PELI1: variants seen among roughly 807,000 people sequenced by gnomAD.
The protein encoded by PELI1 is pellino E3 ubiquitin protein ligase 1.
In PELI1, 15 loss-of-function variants were observed where a neutral mutation model predicts 41.3. The observed-to-expected ratio is 0.36, with a 90% CI of 0.24 to 0.56. The LOEUF (loss-of-function observed/expected upper bound fraction) is 0.56, where lower values mean the gene tolerates loss of function less well. PELI1 is among the 20% of genes least tolerant of loss of function. PELI1 has a pLI of 0.82. For synonymous variants in PELI1, 178 were observed against 180.1 expected (o/e 0.99, Z 0.09); for missense variants, 403 against 525.5 (o/e 0.77, Z 2.28).
At chr2:64,096,667 A>G in intron 4 of PELI1, 57 bp from the exon 5 acceptor site, 1 of 1,153,924 alleles carries the variant, frequency 8.7e-7, no homozygotes, top group Non-Finnish European at 1.3e-6. Context: ...TGGAAAATCC[A>G]TTCAAGAAGG....
chr2:64,126,769 T>C (rs1276993571), intron 1 of PELI1, among the ~76,000 whole-genome samples: 2 of 151,882 alleles, frequency 1.3e-5, no homozygotes, highest in East Asian at 1.9e-4. Flanking sequence ...AGGTATTCAA[T>C]TTGGACCTTG....
chr2:64,114,442 G>A (rs1429990993), intron 1 of PELI1, among the ~76,000 whole-genome samples: 1 of 152,184 alleles, frequency 6.6e-6, no homozygotes, highest in Non-Finnish European at 1.5e-5. Flanking sequence ...AGTAGTTGGA[G>A]GTTACTACTT....
chr2:64,102,129 T>G (rs934222326), intron 3 of PELI1, among the ~76,000 whole-genome samples: 5 of 152,044 alleles, frequency 3.3e-5, no homozygotes, highest in African/African-American at 9.7e-5. Context: ...CTGGCCTGCG[T>G]CTGATTTTTT....
chr2:64,133,265 C>G (rs1681613494), intron 1 of PELI1, among the ~76,000 whole-genome samples: 1 of 152,150 alleles, frequency 6.6e-6, no homozygotes, highest in Non-Finnish European at 1.5e-5. Flanking sequence ...AACATGCTAT[C>G]CCTGACTACA....
In PELI1 at chr2:64,095,236, G is replaced by A; in HGVS notation, c.723C>T (p.Gly241=). ...TTGCACCACAGAGGTCAATTAACGA[G>A]CCATCTTGTAACTGATTGGTTTCAA... ...VEIETNQLQD[G]SLIDLCGATL... Residue 241 remains glycine, a synonymous_variant, in exon 7 of 7, where the codon GGC becomes GGT. Coordinates refer to ENST00000358912, the MANE Select transcript of PELI1 (RefSeq NM_020651.4). 6.2e-7 allele frequency: 1 copy of A among 1,613,894 alleles called. No individual in the cohort carries two copies. The highest frequency in any genetic ancestry group is 8.5e-7 in the Non-Finnish European group (1 of 1,179,860).
At chr2:64,142,629 C>A (rs72893180) in intron 1 of PELI1, among the ~76,000 whole-genome samples, 3,463 of 152,200 alleles carry the variant, frequency 0.023, 112 homozygotes, top group African/African-American at 0.077. Flanking sequence ...TATTTGTACA[C>A]TAAGAACAAT....
rs72893135 is a variant in PELI1 at position 64,097,093 on chromosome 2, G to A, written c.304-483C>T. 5.4e-3 allele frequency among the ~76,000 whole-genome samples: 825 copies of A among 152,322 alleles called. 9 individuals are homozygous for A. The highest frequency in any genetic ancestry group is 0.019 in the African/African-American group (791 of 41,576). On this transcript the variant is annotated intron_variant, in intron 4 of 6. Coordinates refer to ENST00000358912, the MANE Select transcript of PELI1 (RefSeq NM_020651.4). ...CTGAAATGCAGTGATGTCTTCAGGT[G>A]CTACAAGAGGTATACAAGGCTGCTG... is the stretch of plus-strand genomic sequence containing the variant.
chr2:64,113,973 TA>T (rs574193316), intron 1 of PELI1, among the ~76,000 whole-genome samples: 28 of 144,764 alleles, frequency 1.9e-4, no homozygotes, highest in Admixed American at 2.8e-4. Flanking sequence ...ATTCCTGCCC[TA>T]AAAAAAAAAG....
intron 4 of PELI1, among the ~76,000 whole-genome samples, chr2:64,097,191 T>C (rs2103662794): frequency 6.6e-6 from 1 of 152,354 alleles, no homozygotes; most frequent in Admixed American, 6.5e-5. Context: ...CTTGTTTCTT[T>C]TCTGTCAGGT....
At chr2:64,140,265 T>A (rs1454200421) in intron 1 of PELI1, among the ~76,000 whole-genome samples, 1 of 152,210 alleles carries the variant, frequency 6.6e-6, no homozygotes, top group East Asian at 1.9e-4. Context: ...GAAGATTAAC[T>A]GGAGGATGAA....
rs1576111793 is a variant in PELI1, at chr2:64,144,219, G to A, written c.-208C>T. On this transcript the variant is annotated 5_prime_UTR_variant, in exon 1 of 7. Coordinates refer to ENST00000358912, the MANE Select transcript of PELI1 (RefSeq NM_020651.4). ...TCCGCGCCCGCCAGCCGAGCCCAGC[G>A]AGGGGAAGTTGACCACGGAGCCGAG... 6.6e-6 allele frequency: 1 copy of A among 152,364 alleles called. No homozygotes were observed. The highest frequency in any genetic ancestry group is 1.5e-5 in the Non-Finnish European group (1 of 68,168). 9.4% of individuals were successfully genotyped at this position (152,364 alleles called of 1,614,324 possible). A position where few individuals can be genotyped will look rare whatever the true frequency, so the allele number is the denominator to read the frequency against.
At chr2:64,095,728 C>T (rs1317670254) in intron 6 of PELI1, among the ~76,000 whole-genome samples, 1 of 152,226 alleles carries the variant, frequency 6.6e-6, no homozygotes, top group African/African-American at 2.4e-5. Context: ...ACCGCAACCT[C>T]TGCCTGCCAG....
intron 3 of PELI1, 65 bp from the exon 4 acceptor site, chr2:64,100,564 A>G (rs1015109691): frequency 2.4e-6 from 2 of 821,346 alleles, no homozygotes; most frequent in Non-Finnish European, 4.2e-6. Context: ...TAATCTTTTC[A>G]TTAAAAAAAG....
chr2:64,126,968 G>A (rs1681409617), intron 1 of PELI1, among the ~76,000 whole-genome samples: 1 of 152,158 alleles, frequency 6.6e-6, no homozygotes, highest in Non-Finnish European at 1.5e-5. Flanking sequence ...ATGAACCATG[G>A]CTTTGTAAGC....
At chr2:64,096,675 A>C in intron 4 of PELI1, 65 bp from the exon 5 acceptor site, 1 of 1,057,848 alleles carries the variant, frequency 9.5e-7, no homozygotes, top group Non-Finnish European at 1.4e-6. Flanking sequence ...CCATTCAAGA[A>C]GGGCACAATA....
At position 64,104,686 on chromosome 2, in the gene PELI1, T is replaced by C; in HGVS notation, c.201+15A>G. 2 of 1,485,248 alleles carry C rather than the reference T, an allele frequency of 1.3e-6. No homozygotes were observed. The highest frequency in any genetic ancestry group is 9.0e-7 in the Non-Finnish European group (1 of 1,109,130). 92.0% of individuals were successfully genotyped at this position (1,485,248 alleles called of 1,614,324 possible). ...CTCCAAGTTAATTTATGTAGCTTTTTTTTTTTTTTTTTACCTTTGCAGCCT... is the reference window on the plus strand; with the variant it reads ...CTCCAAGTTAATTTATGTAGCTTTTCTTTTTTTTTTTTACCTTTGCAGCCT... On this transcript the variant is annotated intron_variant, in intron 3 of 6. Transcript: ENST00000358912.
chr2:64,128,048 TAAAAA>T (rs562725097), intron 1 of PELI1, among the ~76,000 whole-genome samples: 1 of 151,430 alleles, frequency 6.6e-6, no homozygotes, highest in Non-Finnish European at 1.5e-5. Flanking sequence ...TTTAGTAGAT[TAAAAA>T]AAAATATCAA....
chr2:64,109,074 C>T (rs1212102846), intron 1 of PELI1, among the ~76,000 whole-genome samples: 1 of 152,182 alleles, frequency 6.6e-6, no homozygotes, highest in Non-Finnish European at 1.5e-5. Flanking sequence ...ACTAGGGAGC[C>T]AGGACTTTCA....
chr2:64,100,635 G>T, intron 3 of PELI1, 136 bp from the exon 4 acceptor site: 1 of 663,492 alleles, frequency 1.5e-6, no homozygotes, highest in South Asian at 1.7e-5. Flanking sequence ...ATTTAGAGAG[G>T]TTAATAACTC....
Sources: allele counts gnomAD v4.1 joint callset (sites outside exome capture counted in the v4.1 genomes callset), GRCh38; gene constraint gnomAD v4.1.1; transcripts MANE v1.5; gene names NCBI Gene and HGNC (gene_info 2026-07-23, HGNC 2026-07-21).